Variants in NEBL observed in about 807,000 individuals in gnomAD.
The protein encoded by NEBL is LIM and SH3 protein 2.
In NEBL, 122 loss-of-function variants were observed where a neutral mutation model predicts 140.2. The ratio of observed to expected loss-of-function variants is 0.87; its 90% CI spans 0.75 to 1.01. NEBL has a LOEUF of 1.01. NEBL is among the 50% of genes least tolerant of loss of function. The probability of loss-of-function intolerance (pLI) is 0.00; values close to 1 mark genes in which losing one functional copy is unlikely to be tolerated. For synonymous variants in NEBL, 436 were observed against 398.9 expected, an observed-to-expected ratio of 1.09 and a Z score of -1.11; for missense variants, 1,365 against 1,231.3, an observed-to-expected ratio of 1.11 and a Z score of -1.62.
chr10:20,875,144 C>T (rs1373602075), intron 5 of NEBL, among the ~76,000 whole-genome samples: 2 of 152,204 alleles, frequency 1.3e-5, no homozygotes, highest in Middle Eastern at 3.2e-3. Context: ...TATTCACTTT[C>T]ACCCTGAGCT....
At chr10:21,082,129 G>A (rs569016828) in intron 2 of NEBL, among the ~76,000 whole-genome samples, 8 of 152,166 alleles carry the variant, frequency 5.3e-5, no homozygotes, top group African/African-American at 1.7e-4. Flanking sequence ...CACCCAAACC[G>A]AAACTGAGGA....
Position 20,808,578 on chromosome 10 carries a change from G to GA in NEBL, c.2692dup (p.Ser898PhefsTer9). ...GCTAGGGTAAATCTCGGAGATTTCT[G>GA]ACCTGTCGTCTCCGAGACCTGTACC... On this transcript the variant is annotated frameshift_variant, in exon 26 of 28. Transcript: ENST00000377122. LOFTEE classifies it high-confidence loss of function. 1 of 1,613,778 alleles carries GA rather than the reference G, an allele frequency of 6.2e-7. No individual in the cohort carries two copies. Among genetic ancestry groups the GA allele is most frequent in the South Asian group, 1.1e-5 (1 of 91,068 alleles).
At chr10:20,884,716 C>T (rs1244060018) in intron 4 of NEBL, among the ~76,000 whole-genome samples, 1 of 152,216 alleles carries the variant, frequency 6.6e-6, no homozygotes, top group Non-Finnish European at 1.5e-5. Flanking sequence ...CTGTGACCAC[C>T]GTGGATGAAA....
chr10:21,117,829 CAA>C (rs1305446746), intron 2 of NEBL, among the ~76,000 whole-genome samples: 25 of 147,910 alleles, frequency 1.7e-4, no homozygotes, highest in Admixed American at 1.3e-3. Context: ...TAGAGTCAGA[CAA>C]ACTGGGTTCA....
At chr10:20,962,834 T>C (rs959811820) in intron 3 of NEBL, among the ~76,000 whole-genome samples, 51 of 152,302 alleles carry the variant, frequency 3.3e-4, no homozygotes, top group African/African-American at 1.2e-3. Flanking sequence ...TTCAATATGA[T>C]TGTTAGTGTA....
At chr10:20,861,638 A>G (rs1482961214) in intron 7 of NEBL, among the ~76,000 whole-genome samples, 1 of 152,238 alleles carries the variant, frequency 6.6e-6, no homozygotes, top group Non-Finnish European at 1.5e-5. Context: ...TGACTCAGCC[A>G]GATTCATTAA....
chr10:21,152,713 A>G (rs1297155520), intron 2 of NEBL, among the ~76,000 whole-genome samples: 1 of 151,680 alleles, frequency 6.6e-6, no homozygotes, highest in Non-Finnish European at 1.5e-5. Flanking sequence ...CACAAACTCC[A>G]CTCTGAATTT....
At chr10:21,133,026 G>A (rs1461735738) in intron 2 of NEBL, among the ~76,000 whole-genome samples, 1 of 151,912 alleles carries the variant, frequency 6.6e-6, no homozygotes, top group Non-Finnish European at 1.5e-5. Context: ...GTGTTTTTTG[G>A]CATTATATAT....
At chr10:21,223,938 T>C (rs1466226111) in intron 3 of NEBL, among the ~76,000 whole-genome samples, 1 of 152,210 alleles carries the variant, frequency 6.6e-6, no homozygotes, top group Admixed American at 6.5e-5. Context: ...ATTAATCCCT[T>C]GTCAGGTGGA....
At chr10:20,833,764 A>G (rs1358740072) in intron 14 of NEBL, among the ~76,000 whole-genome samples, 1 of 152,204 alleles carries the variant, frequency 6.6e-6, no homozygotes, top group Admixed American at 6.5e-5. Flanking sequence ...TCAAAAAAAA[A>G]AAAAAAGAAA....
chr10:21,023,684 G>T (rs1838893959), intron 2 of NEBL, among the ~76,000 whole-genome samples: 1 of 151,696 alleles, frequency 6.6e-6, no homozygotes, highest in South Asian at 2.1e-4. Context: ...GACAGAGTGA[G>T]ACTCCATCTC....
chr10:20,984,373 A>G (rs1399028660), intron 3 of NEBL, among the ~76,000 whole-genome samples: 1 of 152,184 alleles, frequency 6.6e-6, no homozygotes, highest in East Asian at 1.9e-4. Flanking sequence ...AATCTAGAGG[A>G]ATGGAATGTT....
chr10:20,806,278 T>C (rs1837610340), intron 26 of NEBL, among the ~76,000 whole-genome samples: 1 of 152,212 alleles, frequency 6.6e-6, no homozygotes, highest in East Asian at 1.9e-4. Flanking sequence ...ATTCCTGATC[T>C]CTACACAGAT....
At chr10:20,829,013 T>C (rs1346503346) in intron 16 of NEBL, among the ~76,000 whole-genome samples, 10 of 152,190 alleles carry the variant, frequency 6.6e-5, no homozygotes, top group Non-Finnish European at 1.3e-4. Flanking sequence ...ACTTACATTG[T>C]ACTTACTATG....
intron 3 of NEBL, among the ~76,000 whole-genome samples, chr10:20,997,471 TAAAAAAAAAAAAAAAAAAAAAA>T (rs55712388): frequency 1.7e-3 from 43 of 25,174 alleles, no homozygotes; most frequent in Admixed American, 7.3e-3. Context: ...ACAGTCTCAG[TAAAAAAAAAAAAAAAAAAAAAA>T]AAAAAAAAAA....
chr10:21,236,245 G>C (rs1842347028), intron 3 of NEBL, among the ~76,000 whole-genome samples: 1 of 152,054 alleles, frequency 6.6e-6, no homozygotes, highest in Non-Finnish European at 1.5e-5. Flanking sequence ...TCTTTAAAAA[G>C]CCTACAAAGA....
intron 3 of NEBL, among the ~76,000 whole-genome samples, chr10:21,208,307 G>C (rs796214116): frequency 2.0e-5 from 3 of 152,246 alleles, no homozygotes; most frequent in African/African-American, 7.2e-5. Context: ...TATCTCAAAA[G>C]GAAAAATTAA....
At chr10:21,215,016 C>T (rs1841970251) in intron 3 of NEBL, among the ~76,000 whole-genome samples, 1 of 152,154 alleles carries the variant, frequency 6.6e-6, no homozygotes, top group Admixed American at 6.6e-5. Flanking sequence ...CCACCCTGAT[C>T]CCTCCGACCC....
chr10:21,222,492 A>C (rs889190940), intron 3 of NEBL, among the ~76,000 whole-genome samples: 2 of 152,164 alleles, frequency 1.3e-5, no homozygotes, highest in Non-Finnish European at 2.9e-5. Flanking sequence ...GTTTTTGGTT[A>C]ATATGATTAA....
Sources: gnomAD v4.1 joint callset for allele counts (sites outside exome capture counted in the v4.1 genomes callset) on GRCh38, gnomAD v4.1.1 for gene constraint, MANE v1.5 for transcripts, NCBI Gene and HGNC (gene_info 2026-07-23, HGNC 2026-07-21) for gene names.